Variants in CORIN observed in about 807,000 individuals in gnomAD.
The protein encoded by CORIN is atrial natriuretic peptide-converting enzyme.
In CORIN, 117 loss-of-function variants were observed where a neutral mutation model predicts 125.3. The observed-to-expected ratio is 0.93, with a 90% CI of 0.80 to 1.09. The LOEUF (loss-of-function observed/expected upper bound fraction) is 1.09, where lower values mean the gene tolerates loss of function less well. Ranked by LOEUF, CORIN falls within the 50% of genes least tolerant of loss-of-function variation. CORIN has a pLI of 0.00. For synonymous variants in CORIN, 450 were observed against 466.4 expected (o/e 0.96, Z 0.45); for missense variants, 1,253 against 1,306.7 (o/e 0.96, Z 0.63).
chr4:47,664,383 A>G (rs916236249), intron 11 of CORIN, among the ~76,000 whole-genome samples: 1 of 152,164 alleles, frequency 6.6e-6, no homozygotes, highest in African/African-American at 2.4e-5. Flanking sequence ...TCCTTATTCT[A>G]CATGTAAAGG....
At chr4:47,597,595 C>T (rs1215789695) in intron 21 of CORIN, among the ~76,000 whole-genome samples, 1 of 152,084 alleles carries the variant, frequency 6.6e-6, no homozygotes, top group African/African-American at 2.4e-5. Flanking sequence ...AAACATTTCA[C>T]AAATTATTTT....
Position 47,683,777 on chromosome 4 carries a change from A to G in CORIN, c.975T>C (p.Cys325=), listed in dbSNP as rs1725391841. 1 of 1,613,700 alleles carries G rather than the reference A, an allele frequency of 6.2e-7. No homozygotes were observed. Among genetic ancestry groups the G allele is most frequent in the South Asian group, 1.1e-5 (1 of 91,058 alleles). ...TGKCLNYSLV[C]DGYDDCGDLS... ...AATCCCCACAGTCATCATATCCATC[A>G]CACACAAGGCTGTAATTAAGGCACT... Residue 325 remains cysteine, a synonymous_variant, in exon 7 of 22, where the codon TGT becomes TGC. Coordinates refer to ENST00000273857, the MANE Select transcript of CORIN (RefSeq NM_006587.4).
chr4:47,601,216 A>G (rs2109504655), intron 20 of CORIN, among the ~76,000 whole-genome samples: 1 of 152,324 alleles, frequency 6.6e-6, no homozygotes, highest in Non-Finnish European at 1.5e-5. Flanking sequence ...TAATCTTTAC[A>G]ATACTCCTGT....
chr4:47,639,610 C>A (rs193181512), intron 16 of CORIN, among the ~76,000 whole-genome samples: 2 of 152,332 alleles, frequency 1.3e-5, no homozygotes, highest in South Asian at 2.1e-4. Context: ...TAAGAAGGAA[C>A]ACCATTCCCA....
At chr4:47,610,574 T>C (rs1201717258) in intron 19 of CORIN, among the ~76,000 whole-genome samples, 2 of 152,208 alleles carry the variant, frequency 1.3e-5, no homozygotes, top group South Asian at 4.1e-4. Context: ...ATAGCTTCTT[T>C]TGCTGTGCAG....
chr4:47,685,890 C>CA (rs1191151599), intron 6 of CORIN, among the ~76,000 whole-genome samples: 9 of 150,028 alleles, frequency 6.0e-5, no homozygotes, highest in East Asian at 2.0e-4. Context: ...AGGAAAGAGG[C>CA]AAAAAAATAG....
chr4:47,746,915 A>G (rs1248354088), intron 4 of CORIN, among the ~76,000 whole-genome samples: 2 of 152,184 alleles, frequency 1.3e-5, no homozygotes, highest in African/African-American at 4.8e-5. Context: ...ACAAAAGCCT[A>G]CAAATGTGCA....
chr4:47,728,546 A>G (rs1016355287), intron 5 of CORIN, among the ~76,000 whole-genome samples: 3 of 152,226 alleles, frequency 2.0e-5, no homozygotes, highest in Non-Finnish European at 4.4e-5. Flanking sequence ...ATAGCAAATG[A>G]GCAGCATTCT....
At chr4:47,832,449 T>TC (rs1387162250) in intron 1 of CORIN, among the ~76,000 whole-genome samples, 2 of 145,430 alleles carry the variant, frequency 1.4e-5, no homozygotes, top group Non-Finnish European at 1.5e-5. Context: ...TCTTTTCTTT[T>TC]TTTTTTTTTT....
At chr4:47,596,422 TC>T (rs1721252030) in intron 21 of CORIN, among the ~76,000 whole-genome samples, 1 of 152,182 alleles carries the variant, frequency 6.6e-6, no homozygotes, top group South Asian at 2.1e-4. Context: ...TCTTAATAGT[TC>T]TTAGGACTTT....
chr4:47,794,930 T>G (rs1005357604), intron 2 of CORIN, among the ~76,000 whole-genome samples: 2 of 152,160 alleles, frequency 1.3e-5, no homozygotes, highest in Non-Finnish European at 2.9e-5. Context: ...CAGTTTTATG[T>G]TTTAGTCTTT....
At position 47,600,272 on chromosome 4, in the gene CORIN, G is replaced by A; in HGVS notation, c.2888C>T (p.Thr963Ile). The A allele has an allele frequency of 1.2e-6, 2 of 1,613,812 alleles. No homozygotes were observed. The highest frequency in any genetic ancestry group is 8.5e-7 in the Non-Finnish European group (1 of 1,179,816). ...EHCQSYFDMK[T>I]ITTRMICAGY... ...AGCACATATCATCCGAGTGGTGATG[G>A]TCTTCATGTCAAAGTAGGACTGACA... Residue 963 changes from threonine (T) to isoleucine (I), a missense_variant, in exon 21 of 22, where the codon ACC becomes ATC. Thr to Ile is a moderately conservative substitution (Grantham distance 89). Coordinates refer to ENST00000273857, the MANE Select transcript of CORIN (RefSeq NM_006587.4).
chr4:47,698,912 A>G (rs1726161320), intron 5 of CORIN, among the ~76,000 whole-genome samples: 1 of 152,226 alleles, frequency 6.6e-6, no homozygotes, highest in Admixed American at 6.5e-5. Context: ...AGTATTCAGT[A>G]CAGTAACATA....
chr4:47,621,611 C>T (rs992401562), intron 19 of CORIN, among the ~76,000 whole-genome samples: 1 of 152,150 alleles, frequency 6.6e-6, no homozygotes, highest in Non-Finnish European at 1.5e-5. Context: ...TGATGTTCGT[C>T]AGTTTGGGGT....
chr4:47,677,069 G>A (rs1725055938), intron 9 of CORIN, among the ~76,000 whole-genome samples: 1 of 152,166 alleles, frequency 6.6e-6, no homozygotes, highest in East Asian at 1.9e-4. Context: ...CAGTCTCATT[G>A]GCTGATTATG....
chr4:47,612,174 T>C (rs1021403647), intron 19 of CORIN, among the ~76,000 whole-genome samples: 1 of 152,188 alleles, frequency 6.6e-6, no homozygotes, highest in African/African-American at 2.4e-5. Context: ...AGATTTCAGC[T>C]ATAAATCTGG....
At chr4:47,648,695 C>A (rs1295577104) in intron 13 of CORIN, among the ~76,000 whole-genome samples, 1 of 152,206 alleles carries the variant, frequency 6.6e-6, no homozygotes, top group Non-Finnish European at 1.5e-5. Context: ...GTCCACTCAT[C>A]CTCTTGAGTT....
At chr4:47,827,229 T>C (rs1325009155) in intron 1 of CORIN, among the ~76,000 whole-genome samples, 1 of 152,170 alleles carries the variant, frequency 6.6e-6, no homozygotes, top group Non-Finnish European at 1.5e-5. Context: ...CTTCTTTCTC[T>C]AGAGAGAGCC....
At chr4:47,677,110 T>G (rs1402813634) in intron 9 of CORIN, among the ~76,000 whole-genome samples, 1 of 152,206 alleles carries the variant, frequency 6.6e-6, no homozygotes, top group Admixed American at 6.5e-5. Context: ...TGCTTTAATG[T>G]AGTAGCCATG....
Sources: allele counts gnomAD v4.1 joint callset (sites outside exome capture counted in the v4.1 genomes callset), GRCh38; gene constraint gnomAD v4.1.1; transcripts MANE v1.5; gene names NCBI Gene and HGNC (gene_info 2026-07-23, HGNC 2026-07-21).